Variants in DCX observed in about 807,000 individuals in gnomAD.
DCX encodes the protein neuronal migration protein doublecortin.
A neutral mutation model predicts 20.9 loss-of-function variants in DCX; 4 were observed. The observed-to-expected ratio is 0.19, with a 90% CI of 0.09 to 0.44. The LOEUF is 0.44. Ranked by LOEUF, DCX falls within the 20% of genes least tolerant of loss-of-function variation. The pLI is 0.99. For missense variants in DCX, 133 were observed against 296.9 expected (o/e 0.45, Z 4.06); for synonymous variants, 103 against 111.4 (o/e 0.92, Z 0.47).
At chrX:111,370,057 A>T (rs753992617) in intron 3 of DCX, among the ~76,000 whole-genome samples, 2 of 111,610 alleles carry the variant, frequency 1.8e-5, no homozygotes, top group Non-Finnish European at 3.8e-5. Context: ...GAAAACTGCT[A>T]AAAAAATGTT....
At chrX:111,311,412 G>A (rs538371746) in intron 6 of DCX, among the ~76,000 whole-genome samples, 3 of 112,130 alleles carry the variant, frequency 2.7e-5, no homozygotes, top group East Asian at 2.8e-4. Flanking sequence ...AATGGATGTC[G>A]GGCAGTGGTA....
At chrX:111,338,232 A>G (rs1603416360) in intron 3 of DCX, among the ~76,000 whole-genome samples, 1 of 112,096 alleles carries the variant, frequency 8.9e-6, no homozygotes. Flanking sequence ...CAGGCAAAAC[A>G]TAGAGTTATC....
chrX:111,346,982 T>G (rs992255136), intron 3 of DCX, among the ~76,000 whole-genome samples: 2 of 111,723 alleles, frequency 1.8e-5, no homozygotes, highest in African/African-American at 6.5e-5. Flanking sequence ...ATGTCTTACC[T>G]ATTGCCCAAT....
Position 111,312,673 on chromosome X carries a change from G to A in DCX, c.1010C>T (p.Pro337Leu), listed in dbSNP as rs2095060211. 8.3e-7 allele frequency: 1 copy of A among 1,209,934 alleles called. No individual in the cohort carries two copies. The highest frequency in any genetic ancestry group is 1.8e-5 in the African/African-American group (1 of 57,064). ...PKSKQSPIST[P>L]TSPGSLRKHK... ...CTTCCGGAGGCTGCCAGGACTGGTGGGCGTAGAGATGGGAGACTGCTTAGA... is the reference window on the plus strand; with the variant it reads ...CTTCCGGAGGCTGCCAGGACTGGTGAGCGTAGAGATGGGAGACTGCTTAGA... Residue 337 changes from proline to leucine, a missense_variant, in exon 6 of 7, where the codon CCC (proline) becomes CTC (leucine). Physicochemically the swap from Pro to Leu is moderately conservative, Grantham distance 98. Around this residue, in one of 2 missense-constraint regions of DCX, gnomAD observed 68 missense variants for 84.3 expected, o/e 0.81. Transcript: ENST00000636035.
intron 5 of DCX, among the ~76,000 whole-genome samples, chrX:111,318,584 G>A (rs1025357085): frequency 4.5e-5 from 5 of 110,713 alleles, no homozygotes; most frequent in African/African-American, 1.6e-4. Context: ...TGAAAATGTG[G>A]TGCATATACA....
At chrX:111,385,391 C>T (rs1352106187) in intron 3 of DCX, among the ~76,000 whole-genome samples, 1 of 111,451 alleles carries the variant, frequency 9.0e-6, no homozygotes, top group African/African-American at 3.3e-5. Context: ...TACAGTGGCT[C>T]ACACCTGTAA....
At chrX:111,331,956 T>C (rs1384398334) in intron 4 of DCX, among the ~76,000 whole-genome samples, 30 of 112,703 alleles carry the variant, frequency 2.7e-4, no homozygotes, top group Non-Finnish European at 1.9e-5. Context: ...TCTACTACAG[T>C]TTTTCCAACC....
At chrX:111,337,953 A>G (rs1921882832) in intron 3 of DCX, among the ~76,000 whole-genome samples, 1 of 112,302 alleles carries the variant, frequency 8.9e-6, no homozygotes, top group Non-Finnish European at 1.9e-5. Flanking sequence ...AAAGATGCAA[A>G]GAACAAGGGA....
At chrX:111,338,581 C>CT (rs758262346) in intron 3 of DCX, among the ~76,000 whole-genome samples, 2,832 of 95,956 alleles carry the variant, frequency 0.03, 101 homozygotes, top group African/African-American at 0.091. Context: ...ACAATCCTGA[C>CT]TTTTTTTTTT....
At chrX:111,327,641 C>T (rs746256910) in intron 5 of DCX, among the ~76,000 whole-genome samples, 2 of 112,104 alleles carry the variant, frequency 1.8e-5, no homozygotes, top group Non-Finnish European at 3.8e-5. Context: ...AAATCTTGCA[C>T]AAATCACAAA....
At chrX:111,397,960 G>A (rs970308370) in intron 3 of DCX, among the ~76,000 whole-genome samples, 2 of 110,922 alleles carry the variant, frequency 1.8e-5, no homozygotes, top group Non-Finnish European at 3.8e-5. Flanking sequence ...AGTGAGCACT[G>A]GAATCTCTAA....
chrX:111,326,519 T>G (rs1245308768), intron 5 of DCX, among the ~76,000 whole-genome samples: 2 of 111,944 alleles, frequency 1.8e-5, no homozygotes, highest in East Asian at 5.7e-4. Context: ...TGCATAAGCT[T>G]TTTTCAAATA....
In DCX at chrX:111,317,947, G is replaced by A. The variant is rs560517900; in HGVS notation, c.947-5211C>T. On this transcript the variant is annotated intron_variant, in intron 5 of 6. Transcript: ENST00000636035. ...CATGCCTGTAATCCCAGCACTTTGG[G>A]AGGCTGAGGCAGGCTGATCACAAGG... Among the ~76,000 whole-genome samples, 8 of 110,707 alleles carry A rather than the reference G, an allele frequency of 7.2e-5. No homozygotes were observed. The South Asian group carries it at 3.1e-3, about 43-fold the overall frequency.
intron 3 of DCX, among the ~76,000 whole-genome samples, chrX:111,351,906 G>A (rs959789092): frequency 3.3e-4 from 37 of 111,278 alleles, no homozygotes; most frequent in Admixed American, 8.6e-4. Context: ...TGTATTTTTC[G>A]TAGAAATGGG....
At chrX:111,382,133 C>A (rs1038117233) in intron 3 of DCX, among the ~76,000 whole-genome samples, 2 of 111,811 alleles carry the variant, frequency 1.8e-5, no homozygotes, top group Non-Finnish European at 3.8e-5. Flanking sequence ...TCCCAGATGA[C>A]GCTGATGTTG....
rs1433093128 is a variant in DCX at position 111,401,299 on chromosome X, G to A, written c.396C>T (p.Phe132=). Residue 132 remains phenylalanine (F), a synonymous_variant, in exon 3 of 7, where the codon TTC becomes TTT. Transcript: ENST00000636035. ...GESYVCSSDN[F]FKKVEYTKNV... ...TCTTGGTGTACTCCACCTTTTTAAA[G>A]AAGTTGTCTGAGGAACAGACATAGC... The A allele has an allele frequency of 8.3e-7, 1 of 1,210,010 alleles. No individual in the cohort carries two copies. The highest frequency in any genetic ancestry group is 1.1e-6 in the Non-Finnish European group (1 of 895,182).
At chrX:111,338,140 T>C (rs1921894831) in intron 3 of DCX, among the ~76,000 whole-genome samples, 1 of 112,204 alleles carries the variant, frequency 8.9e-6, no homozygotes, top group Non-Finnish European at 1.9e-5. Context: ...TTGCATCCTG[T>C]TGACTACAGT....
At chrX:111,411,234 T>C (rs1299594626) in intron 1 of DCX, 2 of 346,294 alleles carry the variant, frequency 5.8e-6, no homozygotes, top group Non-Finnish European at 1.0e-5. Flanking sequence ...CAAAATCCTT[T>C]TTTTTCCCCC....
intron 3 of DCX, among the ~76,000 whole-genome samples, chrX:111,351,654 G>GAGATTGC (rs991642633): frequency 2.7e-5 from 3 of 112,217 alleles, no homozygotes; most frequent in Admixed American, 9.4e-5. Flanking sequence ...TGGGAAGTAT[G>GAGATTGC]AGATTGCAGA....
Sources: gnomAD v4.1 joint callset for allele counts (sites outside exome capture counted in the v4.1 genomes callset) on GRCh38, gnomAD v4.1.1 for gene constraint, gnomAD v4.1.1 regional missense constraint, MANE v1.5 for transcripts, NCBI Gene and HGNC (gene_info 2026-07-23, HGNC 2026-07-21) for gene names.